Variants in MAP1B observed in about 807,000 individuals in gnomAD.
The protein encoded by MAP1B is microtubule-associated protein 1B.
In MAP1B, 12 loss-of-function variants were observed where a neutral mutation model predicts 176.1. That is an observed-to-expected ratio of 0.07 (90% CI 0.04 to 0.11). The LOEUF (loss-of-function observed/expected upper bound fraction) is 0.11. Ranked by LOEUF, MAP1B falls within the 10% of genes least tolerant of loss-of-function variation. MAP1B has a pLI of 1.00. For missense variants in MAP1B, 2,523 were observed against 2,990.5 expected, an observed-to-expected ratio of 0.84 and a Z score of 3.65; for synonymous variants, 1,044 against 1,135.0, an observed-to-expected ratio of 0.92 and a Z score of 1.61.
chr5:72,146,919 G>A (rs1746055550), intron 2 of MAP1B, among the ~76,000 whole-genome samples: 1 of 151,044 alleles, frequency 6.6e-6, no homozygotes, highest in South Asian at 2.1e-4. Flanking sequence ...CAAGGATACT[G>A]TCATTCACGT....
chr5:72,116,136 A>AGT (rs972040650), intron 2 of MAP1B: 9 of 327,994 alleles, frequency 2.7e-5, no homozygotes, highest in Middle Eastern at 1.1e-3. Context: ...GAGATAGTAT[A>AGT]GTGTGTGTAT....
At chr5:72,126,534 A>T (rs1293244311) in intron 2 of MAP1B, among the ~76,000 whole-genome samples, 1 of 152,194 alleles carries the variant, frequency 6.6e-6, no homozygotes, top group Admixed American at 6.5e-5. Context: ...TCTCCCATGG[A>T]TCTAGATTCC....
At chr5:72,107,793 G>A (rs1745131952) in intron 1 of MAP1B, 78 bp downstream of exon 1, 2 of 1,482,194 alleles carry the variant, frequency 1.3e-6, no homozygotes, top group Admixed American at 1.8e-5. Context: ...GACGGTCACT[G>A]CGCTCCTCCC....
At chr5:72,167,031 T>C (rs970366942) in intron 2 of MAP1B, among the ~76,000 whole-genome samples, 2 of 137,220 alleles carry the variant, frequency 1.5e-5, no homozygotes, top group African/African-American at 5.5e-5. Context: ...TTTTTTTTTT[T>C]TCCACGGGAA....
chr5:72,196,653 G>A lies in MAP1B; in HGVS notation c.3298G>A (p.Ala1100Thr), dbSNP rs767988498. 26 of 1,613,908 alleles carry A rather than the reference G, an allele frequency of 1.6e-5. No homozygotes were observed. The highest frequency in any genetic ancestry group is 1.1e-4 in the East Asian group (5 of 44,890). The change falls in exon 5 of 7, where the codon GCT becomes ACT. Residue 1100 changes from alanine (A) to threonine (T), a missense_variant. Physicochemically the swap from Ala to Thr is moderately conservative, Grantham distance 58. Around this residue, in one of 4 missense-constraint regions of MAP1B, gnomAD observed 1,925 missense variants for 2,126.0 expected, o/e 0.91. Transcript: ENST00000296755. The surrounding 1 kb of genome is among the most constrained non-coding windows in gnomAD (Gnocchi z 5.3). ...TGGAGGCTCAGAGAGCGAGGCCACCGCTTCTGATGAGGAGAATCGAGAAGA... is the reference window on the plus strand; with the variant it reads ...TGGAGGCTCAGAGAGCGAGGCCACCACTTCTGATGAGGAGAATCGAGAAGA... ...LPGGSESEAT[A>T]SDEENREDQP...
intron 2 of MAP1B, among the ~76,000 whole-genome samples, chr5:72,123,833 G>A (rs1365053283): frequency 1.3e-5 from 2 of 152,134 alleles, no homozygotes; most frequent in African/African-American, 4.8e-5. Flanking sequence ...GTCTCACTCT[G>A]TTGCCCAGTC....
Position 72,205,311 on chromosome 5 carries a change from C to G in MAP1B, c.*72C>G. 6.7e-7 allele frequency: 1 copy of G among 1,495,842 alleles called. No homozygotes were observed. Among genetic ancestry groups the G allele is most frequent in the Non-Finnish European group, 9.1e-7 (1 of 1,094,904 alleles). 92.7% of individuals were successfully genotyped at this position (1,495,842 alleles called of 1,614,324 possible). On this transcript the variant is annotated 3_prime_UTR_variant, in exon 7 of 7. Coordinates refer to ENST00000296755, the MANE Select transcript of MAP1B (RefSeq NM_005909.5). ...ATTCTTCAATTTGAAATCACCTTTT[C>G]TAAAAAGTCAATTCATCTAGTTAAG... is the stretch of plus-strand genomic sequence containing the variant.
rs541970544 is a variant in MAP1B at position 72,143,247 on chromosome 5, G to A, written c.286+27448G>A. 4.6e-5 allele frequency among the ~76,000 whole-genome samples: 7 copies of A among 152,320 alleles called. No homozygotes were observed. The South Asian group carries it at 6.2e-4, about 14-fold the overall frequency. On this transcript the variant is annotated intron_variant, in intron 2 of 6. Transcript: ENST00000296755. ...TTTAGTAACAAAAGAATACACTGCCGTGTTGAGATGCCAAATAGAAAAGAT... is the reference window on the plus strand; with the variant it reads ...TTTAGTAACAAAAGAATACACTGCCATGTTGAGATGCCAAATAGAAAAGAT...
At position 72,154,766 on chromosome 5, in the gene MAP1B, T is replaced by C. The variant is rs114027438; in HGVS notation, c.287-28977T>C. 5.2e-3 allele frequency among the ~76,000 whole-genome samples: 791 copies of C among 152,346 alleles called. 6 individuals carry two copies. The highest frequency in any genetic ancestry group is 0.018 in the African/African-American group (767 of 41,582). On this transcript the variant is annotated intron_variant, in intron 2 of 6. Transcript: ENST00000296755. ...GATCTGCTAGTTCTGGAGATTCCAG[T>C]AGGCACTGAGCATCTCACTGGTTCC...
intron 2 of MAP1B, among the ~76,000 whole-genome samples, chr5:72,140,794 GA>G (rs1326783548): frequency 1.3e-5 from 2 of 152,104 alleles, no homozygotes; most frequent in Non-Finnish European, 2.9e-5. Flanking sequence ...TAGGCAACAT[GA>G]AAAAATAAAA....
At chr5:72,126,338 G>A (rs184666024) in intron 2 of MAP1B, among the ~76,000 whole-genome samples, 28 of 152,324 alleles carry the variant, frequency 1.8e-4, no homozygotes, top group Admixed American at 9.8e-4. Flanking sequence ...TGTTCTGCCA[G>A]CCATTAGTTC....
rs371216590 is a variant in MAP1B, at chr5:72,198,495, G to A, written c.5140G>A (p.Asp1714Asn). 35 of 1,613,820 alleles carry A rather than the reference G, an allele frequency of 2.2e-5. No homozygotes were observed. The highest frequency in any genetic ancestry group is 3.3e-4 in the Middle Eastern group (2 of 6,084). Residue 1714 changes from aspartate (D) to asparagine (N), a missense_variant, in exon 5 of 7, where the codon GAT (aspartate) becomes AAT (asparagine). Asp to Asn is a conservative substitution (Grantham distance 23). This residue lies in a region of MAP1B where 1,925 missense variants were observed against 2,126.0 expected (regional missense o/e 0.91). Transcript: ENST00000296755. ...PPMEEPSYTQ[D>N]NDLSELISVS... ...TATGGAGGAGCCGTCCTACACCCAA[G>A]ATAATGATCTTTCTGAGCTCATCTC...
At chr5:72,168,610 G>A (rs1476977112) in intron 2 of MAP1B, among the ~76,000 whole-genome samples, 1 of 152,108 alleles carries the variant, frequency 6.6e-6, no homozygotes, top group Non-Finnish European at 1.5e-5. Flanking sequence ...TTAAAATCTG[G>A]GGATTTGCTC....
At chr5:72,166,527 A>G (rs1337765303) in intron 2 of MAP1B, among the ~76,000 whole-genome samples, 1 of 152,182 alleles carries the variant, frequency 6.6e-6, no homozygotes, top group African/African-American at 2.4e-5. Context: ...TCGAGACAGC[A>G]GCTTCCCAGC....
chr5:72,170,841 G>T (rs1320165517), intron 2 of MAP1B, among the ~76,000 whole-genome samples: 1 of 149,158 alleles, frequency 6.7e-6, no homozygotes, highest in East Asian at 1.9e-4. Context: ...CAGCTAGTCG[G>T]GAGGCTGAGG....
intron 2 of MAP1B, among the ~76,000 whole-genome samples, chr5:72,156,058 C>T (rs1010213448): frequency 6.6e-6 from 1 of 152,138 alleles, no homozygotes; most frequent in African/African-American, 2.4e-5. Context: ...TGAGCCACTG[C>T]GCCCAGCTTG....
At chr5:72,127,406 G>T (rs1328687955) in intron 2 of MAP1B, among the ~76,000 whole-genome samples, 1 of 152,134 alleles carries the variant, frequency 6.6e-6, no homozygotes, top group African/African-American at 2.4e-5. Context: ...ATATATCTTT[G>T]AATGGCTGTT....
chr5:72,177,034 A>G (rs1237088660), intron 2 of MAP1B, among the ~76,000 whole-genome samples: 1 of 152,076 alleles, frequency 6.6e-6, no homozygotes, highest in Non-Finnish European at 1.5e-5. Flanking sequence ...TGCTGATGCT[A>G]TTGGTCTTTG....
At chr5:72,179,021 A>T (rs1746710122) in intron 2 of MAP1B, among the ~76,000 whole-genome samples, 1 of 152,134 alleles carries the variant, frequency 6.6e-6, no homozygotes. Context: ...CAGCTTTGGG[A>T]GAGCACAAAC....
Sources: gnomAD v4.1 joint callset for allele counts (sites outside exome capture counted in the v4.1 genomes callset) on GRCh38, gnomAD v4.1.1 for gene constraint, gnomAD v4.1.1 regional missense constraint, Gnocchi (gnomAD v3.1) non-coding constraint, MANE v1.5 for transcripts, NCBI Gene and HGNC (gene_info 2026-07-23, HGNC 2026-07-21) for gene names.